Variants in GRID1 observed in about 807,000 individuals in gnomAD.
The protein encoded by GRID1 is glutamate receptor ionotropic, delta-1.
In GRID1, 28 loss-of-function variants were observed where a neutral mutation model predicts 98.0. That is an observed-to-expected ratio of 0.29 (90% confidence interval 0.21 to 0.39). The LOEUF is 0.39. Ranked by LOEUF, GRID1 falls within the 10% of genes least tolerant of loss-of-function variation. The pLI is 1.00. For synonymous variants in GRID1, 553 were observed against 538.5 expected (o/e 1.03, Z -0.37); for missense variants, 1,111 against 1,340.5 (o/e 0.83, Z 2.67).
At chr10:86,061,919 A>T (rs1486212728) in intron 4 of GRID1, among the ~76,000 whole-genome samples, 1 of 152,114 alleles carries the variant, frequency 6.6e-6, no homozygotes, top group Non-Finnish European at 1.5e-5. Context: ...CAGAAAAGAG[A>T]TGAGGAAGCA....
chr10:86,057,244 A>G (rs1446886616), intron 4 of GRID1, among the ~76,000 whole-genome samples: 1 of 152,178 alleles, frequency 6.6e-6, no homozygotes, highest in Non-Finnish European at 1.5e-5. Flanking sequence ...CTTCAAGGAG[A>G]TCCCTCCTGC....
At chr10:86,205,235 G>T (rs1589410012) in intron 3 of GRID1, among the ~76,000 whole-genome samples, 1 of 152,204 alleles carries the variant, frequency 6.6e-6, no homozygotes, top group East Asian at 1.9e-4. Flanking sequence ...TCTTGGCAAA[G>T]AAATTATATC....
intron 4 of GRID1, among the ~76,000 whole-genome samples, chr10:85,967,596 A>G (rs1355626286): frequency 2.0e-5 from 3 of 152,260 alleles, no homozygotes; most frequent in Admixed American, 1.3e-4. Flanking sequence ...TAAAAAAATT[A>G]AAGTATAACA....
intron 5 of GRID1, among the ~76,000 whole-genome samples, chr10:85,910,882 G>C (rs1289821943): frequency 1.3e-5 from 2 of 152,206 alleles, no homozygotes; most frequent in African/African-American, 4.8e-5. Flanking sequence ...CAGAGGCAAT[G>C]TTAAGCAGAT....
chr10:86,054,164 G>C (rs1379358578), intron 4 of GRID1, among the ~76,000 whole-genome samples: 1 of 152,104 alleles, frequency 6.6e-6, no homozygotes, highest in African/African-American at 2.4e-5. Context: ...ATCCCAGGCA[G>C]GCAAAAGAGC....
chr10:86,178,798 T>G (rs1337977774), intron 3 of GRID1, among the ~76,000 whole-genome samples: 4 of 151,938 alleles, frequency 2.6e-5, no homozygotes, highest in Admixed American at 1.3e-4. Flanking sequence ...TGATTCGGAG[T>G]GAGACCATTT....
At chr10:86,352,735 A>G (rs1042023621) in intron 2 of GRID1, among the ~76,000 whole-genome samples, 11 of 152,110 alleles carry the variant, frequency 7.2e-5, no homozygotes, top group African/African-American at 1.9e-4. Context: ...ACACTTCTAG[A>G]CCTTCCCCCA....
chr10:85,634,069 G>A (rs1843005141), intron 13 of GRID1, among the ~76,000 whole-genome samples: 1 of 151,998 alleles, frequency 6.6e-6, no homozygotes, highest in Non-Finnish European at 1.5e-5. Flanking sequence ...TACTTGGGAG[G>A]CTGAGGCAGG....
chr10:85,855,479 C>G (rs973864208), intron 7 of GRID1, among the ~76,000 whole-genome samples: 3 of 152,240 alleles, frequency 2.0e-5, no homozygotes, highest in African/African-American at 7.2e-5. Flanking sequence ...AAAGCATGTT[C>G]CCTGCTACTG....
chr10:86,225,333 CT>C (rs1198211735), intron 2 of GRID1, among the ~76,000 whole-genome samples: 1 of 152,206 alleles, frequency 6.6e-6, no homozygotes, highest in Non-Finnish European at 1.5e-5. Flanking sequence ...GAGCTCAGCA[CT>C]TTTTTGCCTT....
At chr10:85,992,596 C>T (rs1360551180) in intron 4 of GRID1, among the ~76,000 whole-genome samples, 1 of 144,020 alleles carries the variant, frequency 6.9e-6, no homozygotes, top group African/African-American at 2.5e-5. Context: ...ACAGAGCTGG[C>T]AGTGAGGATG....
At chr10:86,324,467 C>T (rs1448935210) in intron 2 of GRID1, among the ~76,000 whole-genome samples, 1 of 152,136 alleles carries the variant, frequency 6.6e-6, no homozygotes, top group Admixed American at 6.5e-5. Flanking sequence ...TGTCACAAGA[C>T]GGTTGGAGTC....
At chr10:86,103,561 A>G (rs1844331764) in intron 4 of GRID1, among the ~76,000 whole-genome samples, 1 of 152,240 alleles carries the variant, frequency 6.6e-6, no homozygotes, top group South Asian at 2.1e-4. Flanking sequence ...GTGGACAAGC[A>G]GTGAAACTGC....
At chr10:86,063,252 C>T (rs751679106) in intron 4 of GRID1, among the ~76,000 whole-genome samples, 1 of 152,178 alleles carries the variant, frequency 6.6e-6, no homozygotes, top group Non-Finnish European at 1.5e-5. Flanking sequence ...GGTGAGTACA[C>T]ACAATGTACA....
intron 2 of GRID1, among the ~76,000 whole-genome samples, chr10:86,274,164 T>C (rs1463119891): frequency 6.6e-6 from 1 of 152,218 alleles, no homozygotes; most frequent in African/African-American, 2.4e-5. Flanking sequence ...ATTTATTAAA[T>C]AGGGAATCCT....
intron 4 of GRID1, among the ~76,000 whole-genome samples, chr10:85,992,925 G>A (rs1842699434): frequency 6.6e-6 from 1 of 152,184 alleles, no homozygotes; most frequent in Non-Finnish European, 1.5e-5. Flanking sequence ...CTGCACTCCA[G>A]CCTGGGTGAC....
At chr10:86,207,623 AG>A (rs1304366074) in intron 2 of GRID1, among the ~76,000 whole-genome samples, 30 of 125,414 alleles carry the variant, frequency 2.4e-4, no homozygotes, top group Non-Finnish European at 4.8e-4. Flanking sequence ...AAGCAGATGC[AG>A]TTTCTTTTTT....
chr10:85,766,987 T>C (rs1842204203), intron 8 of GRID1, among the ~76,000 whole-genome samples: 1 of 152,174 alleles, frequency 6.6e-6, no homozygotes, highest in Non-Finnish European at 1.5e-5. Flanking sequence ...CCTTCCTCTG[T>C]ATATGCCAAG....
intron 9 of GRID1, among the ~76,000 whole-genome samples, chr10:85,728,420 C>T (rs1425993386): frequency 1.3e-5 from 2 of 152,200 alleles, no homozygotes; most frequent in Non-Finnish European, 2.9e-5. Flanking sequence ...ATGAGGCCCA[C>T]ATAAGAAACA....
Sources: gnomAD v4.1 joint callset for allele counts (sites outside exome capture counted in the v4.1 genomes callset) on GRCh38, gnomAD v4.1.1 for gene constraint, MANE v1.5 for transcripts, NCBI Gene and HGNC (gene_info 2026-07-23, HGNC 2026-07-21) for gene names.